The following COP1 variants were observed in gnomAD, a reference collection of about 807,000 sequenced individuals.
COP1 encodes the protein E3 ubiquitin-protein ligase COP1.
COP1 carries 24 observed loss-of-function variants against 101.3 expected under a neutral mutation model. That is an observed-to-expected ratio of 0.24 (90% CI 0.17 to 0.33). COP1 has a LOEUF of 0.33. Ranked by LOEUF, COP1 falls within the 10% of genes least tolerant of loss-of-function variation. The pLI is 1.00. For synonymous variants in COP1, 347 were observed against 341.9 expected (o/e 1.01, Z -0.17); for missense variants, 663 against 906.2 (o/e 0.73, Z 3.45).
intron 18 of COP1, among the ~76,000 whole-genome samples, chr1:175,949,179 AAAAAAAAAAAAAAT>A (rs1300402137): frequency 6.8e-6 from 1 of 148,116 alleles, no homozygotes; most frequent in African/African-American, 2.5e-5. Flanking sequence ...AAAAAAAAAA[AAAAAAAAAAAAAAT>A]GAACATGGGT....
intron 5 of COP1, among the ~76,000 whole-genome samples, chr1:176,159,426 G>A (rs1558228857): frequency 6.6e-6 from 1 of 152,054 alleles, no homozygotes; most frequent in Non-Finnish European, 1.5e-5. Context: ...GTGCTTATAT[G>A]GCACAAATCC....
chr1:176,008,934 G>A (rs748010962), intron 15 of COP1, among the ~76,000 whole-genome samples: 31 of 152,126 alleles, frequency 2.0e-4, no homozygotes, highest in Admixed American at 1.1e-3. Flanking sequence ...TGCTTTGCAC[G>A]ATTTGTGTGT....
At chr1:175,995,703 A>G (rs1659961034) in intron 15 of COP1, among the ~76,000 whole-genome samples, 3 of 152,162 alleles carry the variant, frequency 2.0e-5, no homozygotes, top group Non-Finnish European at 2.9e-5. Flanking sequence ...CCAGGAAGAA[A>G]TTGAATCTCT....
intron 5 of COP1, among the ~76,000 whole-genome samples, chr1:176,151,351 G>GA (rs1217384376): frequency 4.4e-5 from 4 of 90,510 alleles, no homozygotes; most frequent in African/African-American, 1.7e-4. Context: ...AGGAAAGAAA[G>GA]AAAAAGAAAG....
chr1:176,009,039 C>T (rs1664112951), intron 15 of COP1, among the ~76,000 whole-genome samples: 2 of 152,070 alleles, frequency 1.3e-5, no homozygotes, highest in Admixed American at 6.5e-5. Context: ...GACTGGGGCT[C>T]TCTGCAGTTT....
Position 175,997,529 on chromosome 1 carries a change from A to T in COP1, c.1730-8050T>A, listed in dbSNP as rs557776399. On this transcript the variant is annotated intron_variant, in intron 15 of 19. Transcript: ENST00000367669. Reference sequence around the variant, plus strand: ...CAAAGGGCTAATATCCAGAATCTACAATGAACTCAAACAAATTTACAAGAA... The same window carrying T: ...CAAAGGGCTAATATCCAGAATCTACTATGAACTCAAACAAATTTACAAGAA... Among the ~76,000 whole-genome samples, 5 of 152,294 alleles carry T rather than the reference A, an allele frequency of 3.3e-5. No individual in the cohort carries two copies. The East Asian group carries it at 9.6e-4, about 29-fold the overall frequency.
At chr1:175,950,821 A>C (rs1649797645) in intron 18 of COP1, among the ~76,000 whole-genome samples, 1 of 152,248 alleles carries the variant, frequency 6.6e-6, no homozygotes, top group Non-Finnish European at 1.5e-5. Flanking sequence ...CAACTTGCTT[A>C]AGTCAGTGAT....
At chr1:176,056,138 T>C (rs2149262753) in intron 11 of COP1, among the ~76,000 whole-genome samples, 1 of 152,344 alleles carries the variant, frequency 6.6e-6, no homozygotes, top group Middle Eastern at 3.4e-3. Flanking sequence ...TAATAAATGT[T>C]TGATCTTACT....
rs138923127 is a variant in COP1, at chr1:175,992,210, T to C, written c.1730-2731A>G. ...ACCTACCTCAAGCATTTATCCTTTG[T>C]GTTACAATCTAATTATACATTTTCA... On this transcript the variant is annotated intron_variant, in intron 15 of 19. Coordinates refer to ENST00000367669, the MANE Select transcript of COP1 (RefSeq NM_022457.7). Among the ~76,000 whole-genome samples, 297 of 152,326 alleles carry C rather than the reference T, an allele frequency of 1.9e-3. 9 individuals are homozygous for C. In the East Asian group the frequency reaches 0.048, roughly 25 times the overall value.
At chr1:176,006,549 G>C (rs1316920348) in intron 15 of COP1, among the ~76,000 whole-genome samples, 2 of 152,136 alleles carry the variant, frequency 1.3e-5, no homozygotes, top group African/African-American at 2.4e-5. Context: ...GCCTGGTGGT[G>C]ACAAAATCCC....
rs3034815 is a variant in COP1, at chr1:175,961,695, C to CA, written c.2134-14457dup. 6.1e-3 allele frequency among the ~76,000 whole-genome samples: 425 copies of CA among 69,264 alleles called. 4 individuals carry two copies. Among genetic ancestry groups the CA allele is most frequent in the Middle Eastern group, 0.024 (2 of 82 alleles). The allele number at this position is 69,264 out of a possible 152,430, so 45.4% of individuals were successfully genotyped here. A position where few individuals can be genotyped will look rare whatever the true frequency, so the allele number is the denominator to read the frequency against. ...TGGGTAACAGAGTGAGACCCTGTCTCAAAAAAAAAAAAAAAAAAAAAAGAA... is the reference window on the plus strand; with the variant it reads ...TGGGTAACAGAGTGAGACCCTGTCTCAAAAAAAAAAAAAAAAAAAAAAAGAA... On this transcript the variant is annotated intron_variant, in intron 18 of 19. Transcript: ENST00000367669.
chr1:176,107,909 A>C (rs552917982), intron 9 of COP1, among the ~76,000 whole-genome samples: 1 of 152,330 alleles, frequency 6.6e-6, no homozygotes, highest in South Asian at 2.1e-4. Context: ...GGGAAATCCT[A>C]TAAATAACTT....
intron 1 of COP1, among the ~76,000 whole-genome samples, chr1:176,187,097 T>C (rs1698552227): frequency 6.6e-6 from 1 of 152,214 alleles, no homozygotes; most frequent in Admixed American, 6.5e-5. Context: ...TTAAGAAATG[T>C]ATTCTGAATA....
At chr1:176,019,323 C>T (rs895106831) in intron 15 of COP1, among the ~76,000 whole-genome samples, 1 of 151,310 alleles carries the variant, frequency 6.6e-6, no homozygotes, top group Non-Finnish European at 1.5e-5. Flanking sequence ...ATTAGCTGAG[C>T]ATGGTGGTGT....
At chr1:175,999,029 T>G (rs569938567) in intron 15 of COP1, among the ~76,000 whole-genome samples, 1 of 152,122 alleles carries the variant, frequency 6.6e-6, no homozygotes, top group African/African-American at 2.4e-5. Flanking sequence ...TGTCTTTCCA[T>G]TTTAAAACAC....
intron 11 of COP1, among the ~76,000 whole-genome samples, chr1:176,080,847 A>G (rs1206676310): frequency 1.3e-5 from 2 of 152,182 alleles, no homozygotes; most frequent in Non-Finnish European, 2.9e-5. Flanking sequence ...AATTCTATAC[A>G]AACTTACAGA....
chr1:176,089,013 T>C (rs1346016137), intron 9 of COP1, among the ~76,000 whole-genome samples: 1 of 82,972 alleles, frequency 1.2e-5, no homozygotes, highest in Admixed American at 1.2e-4. Context: ...AAAAAAAAAA[T>C]CTATTTAGGC....
At chr1:176,131,124 A>G (rs901768657) in intron 8 of COP1, among the ~76,000 whole-genome samples, 1 of 151,848 alleles carries the variant, frequency 6.6e-6, no homozygotes, top group African/African-American at 2.4e-5. Context: ...TTTAAAGCAC[A>G]AAAACAATAG....
At chr1:176,146,371 T>A (rs1691589830) in intron 6 of COP1, among the ~76,000 whole-genome samples, 1 of 152,214 alleles carries the variant, frequency 6.6e-6, no homozygotes, top group African/African-American at 2.4e-5. Flanking sequence ...CAAACCCTTG[T>A]GCAATTCTGA....
Sources: gnomAD v4.1 joint callset for allele counts (sites outside exome capture counted in the v4.1 genomes callset) on GRCh38, gnomAD v4.1.1 for gene constraint, MANE v1.5 for transcripts, NCBI Gene and HGNC (gene_info 2026-07-23, HGNC 2026-07-21) for gene names.